Variants in PKHD1 observed in about 807,000 individuals in gnomAD.
PKHD1 encodes the protein PKHD1 ciliary IPT domain containing fibrocystin/polyductin.
In PKHD1, 291 loss-of-function variants were observed where a neutral mutation model predicts 412.0. That is an observed-to-expected ratio of 0.71 (90% CI 0.64 to 0.78). PKHD1 has a LOEUF of 0.78. Ranked by LOEUF, PKHD1 falls within the 30% of genes least tolerant of loss-of-function variation. The pLI, the probability that PKHD1 is intolerant of heterozygous loss-of-function variation, is 0.00. For synonymous variants in PKHD1, 1,777 were observed against 1,821.5 expected, an observed-to-expected ratio of 0.98 and a Z score of 0.62; for missense variants, 4,825 against 4,950.7, an observed-to-expected ratio of 0.97 and a Z score of 0.76.
chr6:51,973,860 C>T (rs752409484), intron 35 of PKHD1, among the ~76,000 whole-genome samples: 2 of 152,146 alleles, frequency 1.3e-5, no homozygotes, highest in Non-Finnish European at 2.9e-5. Flanking sequence ...CCCAAGAAGC[C>T]TCTGTGTTAT....
chr6:52,041,862 C>T (rs1804939027), intron 27 of PKHD1, among the ~76,000 whole-genome samples: 1 of 152,172 alleles, frequency 6.6e-6, no homozygotes, highest in Non-Finnish European at 1.5e-5. Context: ...GGCCAACCTA[C>T]CTGTGCAAAG....
chr6:51,622,724 GT>G (rs1766780601), intron 66 of PKHD1: 1 of 152,030 alleles, frequency 6.6e-6, no homozygotes, highest in African/African-American at 2.4e-5. Flanking sequence ...GCATTTTATT[GT>G]TTTTGTGATA....
chr6:51,863,516 T>G lies in PKHD1; in HGVS notation c.7733+4347A>C, dbSNP rs539426404. 7.2e-5 allele frequency among the ~76,000 whole-genome samples: 11 copies of G among 152,330 alleles called. No individual in the cohort carries two copies. In the South Asian group the frequency reaches 2.3e-3, roughly 32 times the overall value. On this transcript the variant is annotated intron_variant, in intron 48 of 66. Coordinates refer to ENST00000371117, the MANE Select transcript of PKHD1 (RefSeq NM_138694.4). ...GCTTACATCCTCTCTATCACAGTTTTATGTACCTATTCCACCAGGACAAGA... is the reference window on the plus strand; with the variant it reads ...GCTTACATCCTCTCTATCACAGTTTGATGTACCTATTCCACCAGGACAAGA...
chr6:51,690,075 C>T (rs1272063639), intron 60 of PKHD1, among the ~76,000 whole-genome samples: 1 of 151,986 alleles, frequency 6.6e-6, no homozygotes, highest in East Asian at 1.9e-4. Context: ...AGCTCGAGAC[C>T]AGCTTGGTCA....
At chr6:51,735,238 A>G (rs1207443359) in intron 60 of PKHD1, among the ~76,000 whole-genome samples, 1 of 152,208 alleles carries the variant, frequency 6.6e-6, no homozygotes, top group Non-Finnish European at 1.5e-5. Flanking sequence ...TTGGAGTCAG[A>G]CAAATATAGA....
chr6:51,763,442 C>G (rs142359996), intron 55 of PKHD1, among the ~76,000 whole-genome samples: 8 of 152,196 alleles, frequency 5.3e-5, no homozygotes, highest in African/African-American at 1.9e-4. Context: ...TTAACACATT[C>G]TTATAAGAAA....
intron 9 of PKHD1, 131 bp from the exon 10 acceptor site, chr6:52,070,576 T>TC (rs954871389): frequency 9.5e-5 from 63 of 662,500 alleles, no homozygotes; most frequent in African/African-American, 1.1e-4. Flanking sequence ...CTTTAGTGGT[T>TC]CCCCCCCGCA....
At position 52,033,271 on chromosome 6, in the gene PKHD1, A is replaced by C. The variant is rs982925820; in HGVS notation, c.3229-106T>G. 1.4e-4 allele frequency: 126 copies of C among 928,374 alleles called. 1 individual carries two copies. The highest frequency in any genetic ancestry group is 2.2e-4 in the South Asian group (16 of 72,966). The allele number at this position is 928,374 out of a possible 1,614,324, so 57.5% of individuals were successfully genotyped here. A position where few individuals can be genotyped will look rare whatever the true frequency, so the allele number is the denominator to read the frequency against. ...ATTAGTTTTAAAAGTTAATTTTAAG[A>C]AAGTTGTTCCTAAAGGGTATATTTC... On this transcript the variant is annotated intron_variant, in intron 28 of 66. Coordinates refer to ENST00000371117, the MANE Select transcript of PKHD1 (RefSeq NM_138694.4).
At chr6:51,813,139 GGCT>G (rs1764947900) in intron 52 of PKHD1, among the ~76,000 whole-genome samples, 1 of 152,114 alleles carries the variant, frequency 6.6e-6, no homozygotes, top group Non-Finnish European at 1.5e-5. Context: ...GACCTCCTGA[GGCT>G]GTGTCACAGG....
chr6:51,962,982 AGTT>A (rs1792297350), intron 35 of PKHD1, among the ~76,000 whole-genome samples: 1 of 152,110 alleles, frequency 6.6e-6, no homozygotes, highest in African/African-American at 2.4e-5. Flanking sequence ...AGCACATAGT[AGTT>A]GCTCAATAAA....
intron 35 of PKHD1, among the ~76,000 whole-genome samples, chr6:51,981,096 C>T (rs1795084983): frequency 6.6e-6 from 1 of 151,916 alleles, no homozygotes; most frequent in Non-Finnish European, 1.5e-5. Flanking sequence ...ATTTGGAACA[C>T]ATGCCTGCCT....
chr6:51,962,669 C>G (rs947796255), intron 35 of PKHD1, among the ~76,000 whole-genome samples: 1 of 152,064 alleles, frequency 6.6e-6, no homozygotes, highest in Non-Finnish European at 1.5e-5. Flanking sequence ...AAAAAGGAAG[C>G]TCCCATCTGA....
chr6:51,902,710 A>G (rs1467663978), intron 43 of PKHD1, among the ~76,000 whole-genome samples: 2 of 152,170 alleles, frequency 1.3e-5, no homozygotes, highest in Non-Finnish European at 2.9e-5. Context: ...GGATAAAATA[A>G]TTAGAAAAGG....
chr6:51,744,659 ATG>A (rs1784972420), intron 59 of PKHD1, 117 bp from the exon 60 acceptor site: 1 of 765,892 alleles, frequency 1.3e-6, no homozygotes, highest in East Asian at 2.6e-5. Context: ...ATTATTGACA[ATG>A]TGTTACATAG....
At chr6:51,968,486 C>T (rs1208700688) in intron 35 of PKHD1, among the ~76,000 whole-genome samples, 1 of 152,178 alleles carries the variant, frequency 6.6e-6, no homozygotes, top group African/African-American at 2.4e-5. Flanking sequence ...GGTTATTCCA[C>T]ACAAATTCCT....
Position 52,025,215 on chromosome 6 carries a change from T to G in PKHD1, c.4595A>C (p.Asn1532Thr). 1 of 1,614,134 alleles carries G rather than the reference T, an allele frequency of 6.2e-7. No homozygotes were observed. The highest frequency in any genetic ancestry group is 8.5e-7 in the Non-Finnish European group (1 of 1,180,010). ...DQLPCNVTFFNASHVVCQTRD... is the reference protein window; with the variant it reads ...DQLPCNVTFFTASHVVCQTRD... Reference sequence around the variant, plus strand: ...TGTCTGGCACACAACGTGGCTTGCATTAAAAAAAGTTACATTGCAAGGAAG... The same window carrying G: ...TGTCTGGCACACAACGTGGCTTGCAGTAAAAAAAGTTACATTGCAAGGAAG... The change falls in exon 32 of 67, where the codon AAT (asparagine) becomes ACT (threonine). Residue 1532 changes from asparagine to threonine, a missense_variant. Transcript: ENST00000371117.
At chr6:51,637,772 C>T (rs573109889) in intron 64 of PKHD1, among the ~76,000 whole-genome samples, 15 of 152,022 alleles carry the variant, frequency 9.9e-5, no homozygotes, top group South Asian at 4.2e-4. Context: ...GGCTTGGTGG[C>T]GCATGCCTGT....
At chr6:51,723,231 CA>C (rs2150839134) in intron 60 of PKHD1, among the ~76,000 whole-genome samples, 1 of 152,252 alleles carries the variant, frequency 6.6e-6, no homozygotes, top group African/African-American at 2.4e-5. Context: ...ATGTCAGCTC[CA>C]ACATGGAAAA....
At position 52,028,321 on chromosome 6, in the gene PKHD1, C is replaced by T. The variant is rs746715739; in HGVS notation, c.3395G>A (p.Arg1132Lys). The part of the protein sequence containing the change: ...GGETLVIGVA[R>K]LMNYTDLDVE... ...ATCCAAATCCGTATAGTTCATCAGCCTCGCCACTCCAATGACCAGGGTCTC... is the reference window on the plus strand; with the variant it reads ...ATCCAAATCCGTATAGTTCATCAGCTTCGCCACTCCAATGACCAGGGTCTC... Residue 1132 changes from arginine (R) to lysine (K), a missense_variant, in exon 30 of 67, where the codon AGG becomes AAG. By Grantham distance (26) the Arg-to-Lys change is conservative. Transcript: ENST00000371117. The T allele has an allele frequency of 4.3e-6, 7 of 1,613,856 alleles. No individual in the cohort carries two copies. In the South Asian group the frequency reaches 7.7e-5, roughly 18 times the overall value.
Sources: gnomAD v4.1 joint callset for allele counts (sites outside exome capture counted in the v4.1 genomes callset) on GRCh38, gnomAD v4.1.1 for gene constraint, MANE v1.5 for transcripts, NCBI Gene and HGNC (gene_info 2026-07-23, HGNC 2026-07-21) for gene names.